The following ESRRB variants were observed in gnomAD, a reference collection of about 807,000 sequenced individuals.
ESRRB encodes the protein estrogen related receptor beta.
A neutral mutation model predicts 46.0 loss-of-function variants in ESRRB; 16 were observed. The observed-to-expected ratio is 0.35, with a 90% CI of 0.24 to 0.53. The LOEUF (loss-of-function observed/expected upper bound fraction) is 0.53. Among genes scored for constraint, ESRRB ranks in the 20% least tolerant of loss-of-function variants. The pLI, the probability that ESRRB is intolerant of heterozygous loss-of-function variation, is 0.93. For missense variants in ESRRB, 488 were observed against 607.4 expected (o/e 0.80, Z 2.07); for synonymous variants, 246 against 259.6 (o/e 0.95, Z 0.50).
chr14:76,442,367 T>G (rs1566901072), intron 2 of ESRRB, among the ~76,000 whole-genome samples: 2 of 152,012 alleles, frequency 1.3e-5, no homozygotes, highest in African/African-American at 4.8e-5. Flanking sequence ...TCCCAGCTGC[T>G]TGGGAGGCTG....
intron 1 of ESRRB, among the ~76,000 whole-genome samples, chr14:76,403,006 C>T (rs1205015493): frequency 2.0e-5 from 3 of 152,146 alleles, no homozygotes; most frequent in African/African-American, 4.8e-5. Flanking sequence ...GGCCAGGCAG[C>T]TTTCAAACTC....
At chr14:76,498,100 G>A in intron 6 of ESRRB, 114 bp from the exon 7 acceptor site, 1 of 1,229,688 alleles carries the variant, frequency 8.1e-7, no homozygotes, top group South Asian at 1.2e-5. Flanking sequence ...GTGAAGAGAG[G>A]GTTCTGAAGA....
At chr14:76,412,207 G>C (rs972100693) in intron 1 of ESRRB, among the ~76,000 whole-genome samples, 15 of 152,206 alleles carry the variant, frequency 9.9e-5, no homozygotes, top group African/African-American at 3.6e-4. Context: ...AAATCAGGAA[G>C]ACTGAGAACA....
upstream of ESRRB, among the ~76,000 whole-genome samples, chr14:76,371,739 G>C (rs557906820): frequency 1.1e-3 from 169 of 152,328 alleles, 1 homozygote; most frequent in Middle Eastern, 0.01. Context: ...GCATGTGGCA[G>C]ATTCTCCAAA....
rs559819977 is a variant in ESRRB at position 76,414,426 on chromosome 14, G to A, written c.51-24915G>A. Among the ~76,000 whole-genome samples the A allele has an allele frequency of 2.6e-5, 4 of 151,164 alleles. No homozygotes were observed. In the South Asian group the frequency reaches 8.4e-4, roughly 32 times the overall value. On this transcript the variant is annotated intron_variant, in intron 1 of 6. Transcript: ENST00000644823. ...GTTCGGTACTTAGAGCAGTGCCTGG[G>A]CGCAGTACCTTCTGCGTCTGATGGC...
At chr14:76,461,232 G>A (rs933867868) in intron 2 of ESRRB, among the ~76,000 whole-genome samples, 1 of 152,180 alleles carries the variant, frequency 6.6e-6, no homozygotes, top group African/African-American at 2.4e-5. Context: ...TGTTCACACT[G>A]CATAGAAACA....
At chr14:76,448,328 CTTTT>C (rs33918963) in intron 2 of ESRRB, among the ~76,000 whole-genome samples, 3 of 133,480 alleles carry the variant, frequency 2.2e-5, no homozygotes, top group African/African-American at 2.8e-5. Context: ...ATTTACTTAC[CTTTT>C]TTTTTTTTTT....
At chr14:76,323,335 G>A (rs1468055358) in intron 1 of ESRRB, among the ~76,000 whole-genome samples, 2 of 149,566 alleles carry the variant, frequency 1.3e-5, no homozygotes, top group African/African-American at 4.9e-5. Flanking sequence ...TTTGAGAGAG[G>A]GTCTCACTCT....
intron 2 of ESRRB, among the ~76,000 whole-genome samples, chr14:76,458,082 A>G (rs998620332): frequency 1.3e-5 from 2 of 152,172 alleles, no homozygotes; most frequent in East Asian, 1.9e-4. Context: ...CCCAAAGTGG[A>G]GTCTGCACCT....
chr14:76,413,335 C>T (rs1473183014), intron 1 of ESRRB, among the ~76,000 whole-genome samples: 2 of 152,218 alleles, frequency 1.3e-5, no homozygotes, highest in African/African-American at 2.4e-5. Context: ...TGCCCCGGCC[C>T]CGGCCACACA....
chr14:76,319,581 A>C (rs1883843912), intron 1 of ESRRB, among the ~76,000 whole-genome samples: 1 of 152,188 alleles, frequency 6.6e-6, no homozygotes, highest in African/African-American at 2.4e-5. Flanking sequence ...CACTCATGTA[A>C]TGACTCTTGA....
chr14:76,400,979 C>T (rs1314264778), intron 1 of ESRRB, among the ~76,000 whole-genome samples: 3 of 152,188 alleles, frequency 2.0e-5, no homozygotes, highest in Non-Finnish European at 4.4e-5. Context: ...GCTCTGGCCT[C>T]TTGCAGGGAG....
rs113643472 is a variant in ESRRB, at chr14:76,389,871, G to C, written c.50+13420G>C. On this transcript the variant is annotated intron_variant, in intron 1 of 6. Transcript: ENST00000644823. The stretch of plus-strand genomic sequence containing the variant: ...CATATCTTAGTACATTTCACTTTAC[G>C]TTCTTGCCATCAATTTACACCTAAT... Among the ~76,000 whole-genome samples the C allele has an allele frequency of 2.0e-5, 3 of 152,206 alleles. No individual in the cohort carries two copies. The East Asian group carries it at 5.8e-4, about 29-fold the overall frequency.
At chr14:76,448,228 T>A (rs1888232537) in intron 2 of ESRRB, among the ~76,000 whole-genome samples, 1 of 152,002 alleles carries the variant, frequency 6.6e-6, no homozygotes, top group Non-Finnish European at 1.5e-5. Context: ...GGTTCGCCCA[T>A]CACGCCACCC....
intron 1 of ESRRB, among the ~76,000 whole-genome samples, chr14:76,408,974 G>C (rs1886318172): frequency 6.6e-6 from 1 of 152,188 alleles, no homozygotes; most frequent in South Asian, 2.1e-4. Context: ...TGCACAGCCT[G>C]AGGCCCAGAG....
intron 1 of ESRRB, among the ~76,000 whole-genome samples, chr14:76,312,540 C>T (rs1252250914): frequency 6.7e-6 from 1 of 149,236 alleles, no homozygotes; most frequent in African/African-American, 2.5e-5. Context: ...AGGAGTATGG[C>T]GTACAAGGGG....
chr14:76,319,127 G>A (rs758875749), intron 1 of ESRRB, among the ~76,000 whole-genome samples: 1 of 152,190 alleles, frequency 6.6e-6, no homozygotes, highest in Non-Finnish European at 1.5e-5. Context: ...GTCCAGATGT[G>A]AAGGTGGGAT....
At chr14:76,489,636 G>A (rs531305246) in intron 5 of ESRRB, among the ~76,000 whole-genome samples, 182 of 152,294 alleles carry the variant, frequency 1.2e-3, no homozygotes, top group Non-Finnish European at 2.1e-3. Context: ...TCAGTCTTGG[G>A]AACTGTGATA....
At position 76,442,475 on chromosome 14, in the gene ESRRB, C is replaced by CA. The variant is rs927346073; in HGVS notation, c.460+2734dup. Among the ~76,000 whole-genome samples, 12 of 148,560 alleles carry CA rather than the reference C, an allele frequency of 8.1e-5. No individual in the cohort carries two copies. The East Asian group carries it at 9.8e-4, about 12-fold the overall frequency. Reference sequence around the variant, plus strand: ...TGGGCAACAGAGCAAGATCCCGTCTCAAAAAAAAATAATAAAACTTTAAAA... The same window carrying CA: ...TGGGCAACAGAGCAAGATCCCGTCTCAAAAAAAAAATAATAAAACTTTAAAA... On this transcript the variant is annotated intron_variant, in intron 2 of 6. Transcript: ENST00000644823.
Sources: allele counts gnomAD v4.1 joint callset (sites outside exome capture counted in the v4.1 genomes callset), GRCh38; gene constraint gnomAD v4.1.1; transcripts MANE v1.5; gene names NCBI Gene and HGNC (gene_info 2026-07-23, HGNC 2026-07-21).